The following TSNARE1 variants were observed in gnomAD, a reference collection of about 807,000 sequenced individuals.
TSNARE1 encodes the protein t-SNARE domain containing 1.
Under a neutral mutation model 62.0 loss-of-function variants are expected in TSNARE1, and 49 were observed. The observed-to-expected ratio is 0.79, with a 90% CI of 0.63 to 1.00. The LOEUF (loss-of-function observed/expected upper bound fraction) is 1.00, where lower values mean the gene tolerates loss of function less well. TSNARE1 is among the 50% of genes least tolerant of loss of function. TSNARE1 has a pLI of 0.00. For missense variants in TSNARE1, 755 were observed against 700.1 expected (o/e 1.08, Z -0.88); for synonymous variants, 328 against 294.4 (o/e 1.11, Z -1.17).
intron 1 of TSNARE1, among the ~76,000 whole-genome samples, chr8:142,383,489 T>C (rs1836911707): frequency 6.6e-6 from 1 of 152,154 alleles, no homozygotes; most frequent in East Asian, 1.9e-4. Context: ...GGCCAGGCGC[T>C]GTCCGTGGTG....
intron 1 of TSNARE1, among the ~76,000 whole-genome samples, chr8:142,372,807 T>C (rs1185549028): frequency 7.0e-6 from 1 of 142,578 alleles, no homozygotes; most frequent in Non-Finnish European, 1.5e-5. Context: ...CTTGAGAAGG[T>C]CACCCCACCA....
chr8:142,274,928 C>A, intron 11 of TSNARE1, 65 bp from the exon 12 acceptor site: 1 of 1,428,908 alleles, frequency 7.0e-7, no homozygotes, highest in Non-Finnish European at 9.2e-7. Context: ...CCTGAGGACA[C>A]CCCCCAAAGG....
intron 10 of TSNARE1, among the ~76,000 whole-genome samples, chr8:142,287,455 C>T (rs1382910247): frequency 1.8e-5 from 2 of 108,374 alleles, no homozygotes; most frequent in East Asian, 2.9e-4. Flanking sequence ...GGTCGTGGAA[C>T]CCAGGACCTC....
intron 1 of TSNARE1, among the ~76,000 whole-genome samples, chr8:142,393,761 C>T (rs1179632136): frequency 2.0e-5 from 3 of 152,154 alleles, no homozygotes; most frequent in Non-Finnish European, 4.4e-5. Context: ...GGAGGAAAAT[C>T]GAGGGAAAGC....
chr8:142,394,605 C>A (rs1007240402), intron 1 of TSNARE1, among the ~76,000 whole-genome samples: 2 of 152,200 alleles, frequency 1.3e-5, no homozygotes, highest in African/African-American at 4.8e-5. Flanking sequence ...GTTTCTACGG[C>A]CAGACCCCAC....
chr8:142,401,537 A>G (rs1838294140), intron 1 of TSNARE1, among the ~76,000 whole-genome samples: 1 of 152,146 alleles, frequency 6.6e-6, no homozygotes, highest in Non-Finnish European at 1.5e-5. Context: ...AGACTTAGGG[A>G]CACCTGGCTG....
chr8:142,383,501 T>C (rs1450896878), intron 1 of TSNARE1, among the ~76,000 whole-genome samples: 1 of 152,168 alleles, frequency 6.6e-6, no homozygotes, highest in African/African-American at 2.4e-5. Context: ...TCCGTGGTGC[T>C]GAGAGCCACA....
At chr8:142,277,371 G>A (rs1820672664) in intron 11 of TSNARE1, 1 of 985,254 alleles carries the variant, frequency 1.0e-6, no homozygotes, top group Non-Finnish European at 1.2e-6. Context: ...TGCCCTCAGG[G>A]CACAGGGACC....
intron 12 of TSNARE1, among the ~76,000 whole-genome samples, chr8:142,257,997 G>A (rs949807285): frequency 1.3e-5 from 2 of 152,064 alleles, no homozygotes; most frequent in Non-Finnish European, 2.9e-5. Context: ...CAACACTCAA[G>A]CTCACACACA....
chr8:142,323,802 C>T (rs917788228), intron 6 of TSNARE1, among the ~76,000 whole-genome samples: 5 of 152,204 alleles, frequency 3.3e-5, no homozygotes, highest in Non-Finnish European at 7.3e-5. Flanking sequence ...ATAGAGTGCC[C>T]CTCCCGCTTG....
At chr8:142,260,168 G>A (rs1367276565) in intron 12 of TSNARE1, among the ~76,000 whole-genome samples, 2 of 152,062 alleles carry the variant, frequency 1.3e-5, no homozygotes, top group African/African-American at 4.8e-5. Flanking sequence ...CCTGCCACCT[G>A]GAAGCCACCT....
intron 5 of TSNARE1, among the ~76,000 whole-genome samples, 162 bp from the exon 6 acceptor site, chr8:142,331,132 A>G (rs1302417856): frequency 6.6e-6 from 1 of 152,210 alleles, no homozygotes; most frequent in East Asian, 1.9e-4. Context: ...GCCAGGGTCC[A>G]CACTGCCTCA....
chr8:142,287,785 G>C (rs967663887), intron 10 of TSNARE1, among the ~76,000 whole-genome samples: 8 of 148,850 alleles, frequency 5.4e-5, no homozygotes, highest in African/African-American at 1.7e-4. Context: ...AGATCTCAGG[G>C]ACAGTGGGCC....
intron 11 of TSNARE1, chr8:142,277,011 C>T (rs372682495): frequency 6.7e-5 from 66 of 985,338 alleles, no homozygotes; most frequent in African/African-American, 6.6e-4. Context: ...TGTGCGGCCG[C>T]GTGTTGCTCG....
intron 1 of TSNARE1, among the ~76,000 whole-genome samples, chr8:142,394,030 A>C (rs1297600652): frequency 1.3e-5 from 2 of 152,214 alleles, no homozygotes; most frequent in African/African-American, 2.4e-5. Flanking sequence ...TACAGGTTAC[A>C]TTCTCCACCC....
chr8:142,321,008 C>T (rs1359139635), intron 6 of TSNARE1, among the ~76,000 whole-genome samples: 1 of 152,190 alleles, frequency 6.6e-6, no homozygotes, highest in Non-Finnish European at 1.5e-5. Context: ...CTGTTAGCAC[C>T]ATGCAGGATC....
chr8:142,313,840 C>A (rs758495084), intron 9 of TSNARE1, among the ~76,000 whole-genome samples: 1 of 152,212 alleles, frequency 6.6e-6, no homozygotes, highest in Non-Finnish European at 1.5e-5. Context: ...GTGGCGTGAT[C>A]TCGGCTCACT....
chr8:142,348,704 T>G (rs1833708736), intron 2 of TSNARE1, among the ~76,000 whole-genome samples: 1 of 149,712 alleles, frequency 6.7e-6, no homozygotes, highest in African/African-American at 2.4e-5. Flanking sequence ...TTTCTTTTCC[T>G]GCCAGGTTAT....
rs759046204 is a variant in TSNARE1, at chr8:142,345,771, C to G, written c.210G>C (p.Thr70=). Residue 70 remains threonine (T), a synonymous_variant, in exon 3 of 14, where the codon ACG becomes ACC. Coordinates refer to ENST00000524325, the MANE Select transcript of TSNARE1 (RefSeq NM_145003.5). The part of the protein sequence containing the change: ...DGEGDLGPAG[T]PIVPRARKRG... ...GCTTCCTGGCCCTTGGGACAATAGGCGTGCCTGCTGGCCCCAGATCACCTT... is the reference window on the plus strand; with the variant it reads ...GCTTCCTGGCCCTTGGGACAATAGGGGTGCCTGCTGGCCCCAGATCACCTT... 1 of 1,612,876 alleles carries G rather than the reference C, an allele frequency of 6.2e-7. No individual in the cohort carries two copies. Among genetic ancestry groups the G allele is most frequent in the South Asian group, 1.1e-5 (1 of 90,904 alleles).
Sources: allele counts gnomAD v4.1 joint callset (sites outside exome capture counted in the v4.1 genomes callset), GRCh38; gene constraint gnomAD v4.1.1; transcripts MANE v1.5; gene names NCBI Gene and HGNC (gene_info 2026-07-23, HGNC 2026-07-21).